Variants in CALN1 observed in about 807,000 individuals in gnomAD.
The protein encoded by CALN1 is calneuron 1.
Under a neutral mutation model 30.6 loss-of-function variants are expected in CALN1, and 17 were observed. The ratio of observed to expected loss-of-function variants is 0.56; its 90% CI spans 0.38 to 0.83. The LOEUF (loss-of-function observed/expected upper bound fraction) is 0.83. Among genes scored for constraint, CALN1 ranks in the 40% least tolerant of loss-of-function variants. The probability of loss-of-function intolerance (pLI) is 0.00; values close to 1 mark genes in which losing one functional copy is unlikely to be tolerated. For missense variants in CALN1, 291 were observed against 354.9 expected, an observed-to-expected ratio of 0.82 and a Z score of 1.45; for synonymous variants, 156 against 131.4, an observed-to-expected ratio of 1.19 and a Z score of -1.28.
chr7:71,790,389 AAAGAAAGAAAG>A (rs1249600179), intron 6 of CALN1, among the ~76,000 whole-genome samples: 5 of 117,582 alleles, frequency 4.3e-5, no homozygotes, highest in Non-Finnish European at 9.0e-5. Context: ...AGAAAGAAAG[AAAGAAAGAAAG>A]AAAGAAAGAA....
chr7:71,971,310 C>A (rs1240367784), intron 5 of CALN1, among the ~76,000 whole-genome samples: 1 of 151,910 alleles, frequency 6.6e-6, no homozygotes, highest in Non-Finnish European at 1.5e-5. Context: ...ATTAGCTGGG[C>A]ATGGTGGCAG....
intron 4 of CALN1, among the ~76,000 whole-genome samples, chr7:72,043,379 T>C (rs1049678850): frequency 5.3e-5 from 8 of 152,232 alleles, no homozygotes; most frequent in Non-Finnish European, 4.4e-5. Flanking sequence ...ACAAAGTTTG[T>C]ATATGTATTA....
intron 4 of CALN1, among the ~76,000 whole-genome samples, chr7:72,083,580 T>C (rs1316917807): frequency 6.6e-6 from 1 of 151,580 alleles, no homozygotes; most frequent in Non-Finnish European, 1.5e-5. Context: ...CAAGACCTCA[T>C]CTATAAAAAA....
chr7:72,389,899 G>C (rs986233507), intron 2 of CALN1, among the ~76,000 whole-genome samples: 1 of 150,132 alleles, frequency 6.7e-6, no homozygotes, highest in Admixed American at 6.7e-5. Context: ...CTGCACTCCA[G>C]CCTGGGCAAC....
At chr7:72,101,313 G>C (rs971043216) in intron 4 of CALN1, among the ~76,000 whole-genome samples, 1 of 152,132 alleles carries the variant, frequency 6.6e-6, no homozygotes, top group Non-Finnish European at 1.5e-5. Flanking sequence ...AGAAACAGAC[G>C]TATAGATTAA....
intron 5 of CALN1, among the ~76,000 whole-genome samples, chr7:71,869,059 A>C (rs1791766512): frequency 6.6e-6 from 1 of 152,176 alleles, no homozygotes; most frequent in African/African-American, 2.4e-5. Context: ...CAACAACCTC[A>C]GTGAGTCACT....
At chr7:71,840,029 A>G (rs1242683296) in intron 5 of CALN1, among the ~76,000 whole-genome samples, 1 of 152,180 alleles carries the variant, frequency 6.6e-6, no homozygotes, top group Non-Finnish European at 1.5e-5. Flanking sequence ...AATCTGGGTT[A>G]CTGTTGGGCC....
At position 71,783,463 on chromosome 7, in the gene CALN1, C is replaced by T. The variant is rs1792824091; in HGVS notation, c.*4312G>A. 1 of 152,236 alleles carries T rather than the reference C, an allele frequency of 6.6e-6. No individual in the cohort carries two copies. Among genetic ancestry groups the T allele is most frequent in the African/African-American group, 2.4e-5 (1 of 41,444 alleles). The allele number at this position is 152,236 out of a possible 1,614,324, so 9.4% of individuals were successfully genotyped here. A position where few individuals can be genotyped will look rare whatever the true frequency, so the allele number is the denominator to read the frequency against. On this transcript the variant is annotated 3_prime_UTR_variant, in exon 7 of 7. Coordinates refer to ENST00000395275, the MANE Select transcript of CALN1 (RefSeq NM_031468.4). ...AAAATGACCCAATAGGGTTTGAGAC[C>T]TGCAGTTAGGAGGAGCAGAGCTTAG...
intron 3 of CALN1, among the ~76,000 whole-genome samples, chr7:72,269,356 C>G (rs944235494): frequency 6.6e-5 from 10 of 151,926 alleles, no homozygotes; most frequent in Non-Finnish European, 4.4e-5. Flanking sequence ...TATCCCTCCC[C>G]CCTGCCCCCA....
chr7:72,495,824 A>G, the CALN1 span, among the ~76,000 whole-genome samples: 1 of 152,208 alleles, frequency 6.6e-6, no homozygotes, highest in Non-Finnish European at 1.5e-5. Flanking sequence ...ATCCTTCCTG[A>G]ACTTTTATTT....
chr7:72,093,714 A>C (rs78388349), intron 4 of CALN1, among the ~76,000 whole-genome samples: 2 of 152,260 alleles, frequency 1.3e-5, no homozygotes, highest in African/African-American at 2.4e-5. Flanking sequence ...TCTCAGCTCA[A>C]GTCACAGAGA....
intron 3 of CALN1, among the ~76,000 whole-genome samples, chr7:72,159,431 C>G (rs1787946170): frequency 2.0e-5 from 3 of 151,988 alleles, no homozygotes; most frequent in African/African-American, 7.2e-5. Flanking sequence ...ACCCAGAAGG[C>G]TGAGGCTGCA....
chr7:72,179,756 T>C (rs1325712105), intron 3 of CALN1, among the ~76,000 whole-genome samples: 1 of 152,180 alleles, frequency 6.6e-6, no homozygotes, highest in Admixed American at 6.6e-5. Context: ...TGCTAAAATA[T>C]TTTAAAGCAC....
At chr7:72,144,876 G>T (rs543303167) in intron 3 of CALN1, among the ~76,000 whole-genome samples, 1 of 152,286 alleles carries the variant, frequency 6.6e-6, no homozygotes, top group East Asian at 1.9e-4. Flanking sequence ...TGACTACTGG[G>T]TTCATAACGG....
At chr7:71,898,472 G>A (rs1034988746) in intron 5 of CALN1, among the ~76,000 whole-genome samples, 2 of 152,160 alleles carry the variant, frequency 1.3e-5, no homozygotes, top group East Asian at 3.8e-4. Flanking sequence ...ACCGGTAGAG[G>A]ACAGAGAATA....
At chr7:72,082,407 G>A (rs989186441) in intron 4 of CALN1, among the ~76,000 whole-genome samples, 3 of 152,170 alleles carry the variant, frequency 2.0e-5, no homozygotes, top group African/African-American at 7.2e-5. Context: ...CAGTTAGTAC[G>A]GTGAAGGTTG....
chr7:72,253,439 A>C (rs1795698887), intron 3 of CALN1, among the ~76,000 whole-genome samples: 1 of 152,254 alleles, frequency 6.6e-6, no homozygotes. Flanking sequence ...TAATTTATAA[A>C]GGAAAGCAGT....
At chr7:72,451,212 G>GAAGAAGAAGAAGAAGAAGAAGA (rs1562973699), upstream of CALN1, among the ~76,000 whole-genome samples, 43 of 102,114 alleles carry the variant, frequency 4.2e-4, 1 homozygote, top group African/African-American at 2.2e-3. Flanking sequence ...GAAGAAGAAG[G>GAAGAAGAAGAAGAAGAAGAAGA]AGGAGGAGGA....
chr7:71,820,732 A>G (rs1013122871), intron 5 of CALN1, among the ~76,000 whole-genome samples: 1 of 152,152 alleles, frequency 6.6e-6, no homozygotes, highest in Non-Finnish European at 1.5e-5. Context: ...TTTGAGTTGT[A>G]TTTTTATCCA....
Sources: gnomAD v4.1 joint callset for allele counts (sites outside exome capture counted in the v4.1 genomes callset) on GRCh38, gnomAD v4.1.1 for gene constraint, MANE v1.5 for transcripts, NCBI Gene and HGNC (gene_info 2026-07-23, HGNC 2026-07-21) for gene names.